FNIP1: variants seen among roughly 807,000 people sequenced by gnomAD.
FNIP1 encodes folliculin interacting protein 1.
In FNIP1, 40 loss-of-function variants were observed where a neutral mutation model predicts 124.5. The observed-to-expected ratio is 0.32, with a 90% CI of 0.25 to 0.42. FNIP1 has a LOEUF of 0.42. Ranked by LOEUF, FNIP1 falls within the 10% of genes least tolerant of loss-of-function variation. The probability of loss-of-function intolerance (pLI) is 1.00; values close to 1 mark genes in which losing one functional copy is unlikely to be tolerated. For synonymous variants in FNIP1, 472 were observed against 470.6 expected (o/e 1.00, Z -0.04); for missense variants, 1,176 against 1,403.7 (o/e 0.84, Z 2.59).
At chr5:131,671,058 T>C (rs1561646013) in intron 14 of FNIP1, among the ~76,000 whole-genome samples, 1 of 152,192 alleles carries the variant, frequency 6.6e-6, no homozygotes, top group Non-Finnish European at 1.5e-5. Context: ...AGTCCAAAGC[T>C]AGGTATGTAA....
rs142195628 is a variant in FNIP1 at position 131,693,297 on chromosome 5, CAT to C, written c.1202+5618_1202+5619del. 9.5e-3 allele frequency among the ~76,000 whole-genome samples: 258 copies of C among 27,034 alleles called. 3 individuals carry two copies. The highest frequency in any genetic ancestry group is 0.015 in the African/African-American group (120 of 7,896). 17.7% of individuals were successfully genotyped at this position (27,034 alleles called of 152,430 possible). ...AAGCATGGTAATAGCTAAATATATA[CAT>C]ATATATATATATATATACACATATA... On this transcript the variant is annotated intron_variant, in intron 11 of 17. Coordinates refer to ENST00000510461, the MANE Select transcript of FNIP1 (RefSeq NM_133372.3).
chr5:131,743,727 C>A (rs1157614978), intron 2 of FNIP1, among the ~76,000 whole-genome samples: 1 of 152,152 alleles, frequency 6.6e-6, no homozygotes, highest in East Asian at 1.9e-4. Context: ...CTCTTGCCTT[C>A]TTTCCACCAT....
intron 5 of FNIP1, 38 bp from the exon 6 acceptor site, chr5:131,716,694 T>C (rs1561671062): frequency 7.4e-7 from 1 of 1,358,164 alleles, no homozygotes; most frequent in South Asian, 1.3e-5. Flanking sequence ...CCAAATTCAT[T>C]TTATGGTTTA....
At chr5:131,748,639 G>A (rs1331552609) in intron 1 of FNIP1, among the ~76,000 whole-genome samples, 4 of 142,940 alleles carry the variant, frequency 2.8e-5, no homozygotes, top group Non-Finnish European at 6.0e-5. Flanking sequence ...AGAGGTTGCA[G>A]TGAGCCAAGA....
chr5:131,698,148 A>G (rs1053406527), intron 11 of FNIP1, among the ~76,000 whole-genome samples: 1 of 152,080 alleles, frequency 6.6e-6, no homozygotes, highest in Non-Finnish European at 1.5e-5. Context: ...CAAAAACGCT[A>G]ATGCACTTGC....
chr5:131,705,897 C>T (rs32109), intron 9 of FNIP1, among the ~76,000 whole-genome samples: 117,488 of 152,070 alleles, frequency 0.77, 45,571 homozygotes, highest in Middle Eastern at 0.83. Context: ...GTATATACAA[C>T]GGAATGTTAT....
In FNIP1 at chr5:131,797,016, A is replaced by T. The variant is rs1042199048; in HGVS notation, c.-95T>A. 2.8e-5 allele frequency: 33 copies of T among 1,168,334 alleles called. 1 individual carries two copies. In the African/African-American group the frequency reaches 4.7e-4, roughly 16 times the overall value. 72.4% of individuals were successfully genotyped at this position (1,168,334 alleles called of 1,614,324 possible). ...CCACCCCCATGGGCGCCTCAGTCAT[A>T]TGACAGAAATTAGTCACTTCAAACG... On this transcript the variant is annotated 5_prime_UTR_variant, in exon 1 of 18. Coordinates refer to ENST00000510461, the MANE Select transcript of FNIP1 (RefSeq NM_133372.3).
intron 11 of FNIP1, among the ~76,000 whole-genome samples, chr5:131,683,552 CAAAAAAAAAAAA>C (rs1184433193): frequency 1.9e-5 from 1 of 53,008 alleles, no homozygotes; most frequent in Non-Finnish European, 4.3e-5. Context: ...GACTCCGTCT[CAAAAAAAAAAAA>C]AAAAAAAACC....
intron 15 of FNIP1, among the ~76,000 whole-genome samples, chr5:131,655,435 A>G (rs1052617132): frequency 6.6e-6 from 1 of 152,200 alleles, no homozygotes; most frequent in Admixed American, 6.5e-5. Flanking sequence ...AAATTTATAA[A>G]AACTTACACA....
At chr5:131,744,382 A>G (rs1770604756) in intron 2 of FNIP1, among the ~76,000 whole-genome samples, 182 bp downstream of exon 2, 1 of 152,108 alleles carries the variant, frequency 6.6e-6, no homozygotes, top group South Asian at 2.1e-4. Context: ...ATGACTCCTA[A>G]GCATCAAACC....
At chr5:131,733,019 T>C (rs1246496699) in intron 2 of FNIP1, among the ~76,000 whole-genome samples, 5 of 152,290 alleles carry the variant, frequency 3.3e-5, no homozygotes, top group Admixed American at 6.5e-5. Flanking sequence ...CAGTGGTTTG[T>C]AGTTCTCCTT....
At chr5:131,693,774 T>A (rs1380940514) in intron 11 of FNIP1, among the ~76,000 whole-genome samples, 1 of 151,952 alleles carries the variant, frequency 6.6e-6, no homozygotes, top group Admixed American at 6.6e-5. Flanking sequence ...GACACTATTA[T>A]AAGAAGAAGC....
intron 6 of FNIP1, among the ~76,000 whole-genome samples, chr5:131,714,936 T>G (rs1769415862): frequency 6.6e-6 from 1 of 152,220 alleles, no homozygotes; most frequent in South Asian, 2.1e-4. Flanking sequence ...CTTGGTATAT[T>G]ACAGGTGCTC....
chr5:131,697,030 T>A (rs1475573210), intron 11 of FNIP1, among the ~76,000 whole-genome samples: 1 of 152,150 alleles, frequency 6.6e-6, no homozygotes, highest in Non-Finnish European at 1.5e-5. Flanking sequence ...TTAAAAGTTT[T>A]AAAATTTTAT....
chr5:131,683,270 T>C (rs184529872), intron 11 of FNIP1, among the ~76,000 whole-genome samples: 2 of 152,190 alleles, frequency 1.3e-5, no homozygotes, highest in African/African-American at 4.8e-5. Context: ...ATGTAACCCA[T>C]GCACATCCTC....
chr5:131,737,755 C>G (rs945489381), intron 2 of FNIP1, among the ~76,000 whole-genome samples: 1 of 152,126 alleles, frequency 6.6e-6, no homozygotes, highest in Non-Finnish European at 1.5e-5. Flanking sequence ...ATTAGACATA[C>G]TTGGAATACA....
At chr5:131,723,338 C>A (rs957116215) in intron 3 of FNIP1, among the ~76,000 whole-genome samples, 3 of 151,944 alleles carry the variant, frequency 2.0e-5, no homozygotes, top group Admixed American at 2.0e-4. Flanking sequence ...AATTTAAATA[C>A]CAAGGCATTT....
chr5:131,721,357 ACTAAT>A (rs1397081097), intron 3 of FNIP1, among the ~76,000 whole-genome samples: 1 of 152,238 alleles, frequency 6.6e-6, no homozygotes, highest in East Asian at 1.9e-4. Flanking sequence ...ATGGGGAGTT[ACTAAT>A]CAATGGCATT....
At chr5:131,728,696 C>T (rs1018659936) in intron 3 of FNIP1, among the ~76,000 whole-genome samples, 6 of 152,166 alleles carry the variant, frequency 3.9e-5, no homozygotes, top group African/African-American at 9.7e-5. Context: ...ACTTGTCAAA[C>T]TCATCCTCCA....
Sources: allele counts gnomAD v4.1 joint callset (sites outside exome capture counted in the v4.1 genomes callset), GRCh38; gene constraint gnomAD v4.1.1; transcripts MANE v1.5; gene names NCBI Gene and HGNC (gene_info 2026-07-23, HGNC 2026-07-21).